Variants in NEBL observed in about 807,000 individuals in gnomAD.
NEBL encodes the protein LIM and SH3 protein 2.
NEBL carries 122 observed loss-of-function variants against 140.2 expected under a neutral mutation model. That is an observed-to-expected ratio of 0.87 (90% confidence interval 0.75 to 1.01). The LOEUF is 1.01. Among genes scored for constraint, NEBL ranks in the 50% least tolerant of loss-of-function variants. The pLI is 0.00. For synonymous variants in NEBL, 436 were observed against 398.9 expected, an observed-to-expected ratio of 1.09 and a Z score of -1.11; for missense variants, 1,365 against 1,231.3, an observed-to-expected ratio of 1.11 and a Z score of -1.62.
intron 2 of NEBL, among the ~76,000 whole-genome samples, chr10:21,116,761 C>T (rs1390652160): frequency 6.6e-6 from 1 of 152,086 alleles, no homozygotes; most frequent in Non-Finnish European, 1.5e-5. Context: ...CCTCAAACTC[C>T]TGGATTTAAG....
At chr10:20,915,771 A>G (rs1340169515) in intron 4 of NEBL, among the ~76,000 whole-genome samples, 1 of 152,146 alleles carries the variant, frequency 6.6e-6, no homozygotes, top group Non-Finnish European at 1.5e-5. Context: ...GTATATACCC[A>G]GTAATGGGAT....
chr10:21,108,622 G>C (rs1175797119), intron 2 of NEBL, among the ~76,000 whole-genome samples: 1 of 152,100 alleles, frequency 6.6e-6, no homozygotes, highest in Non-Finnish European at 1.5e-5. Flanking sequence ...GTGGTGCTAA[G>C]AAGAATGTAT....
chr10:21,144,774 G>T (rs977948969), intron 2 of NEBL, among the ~76,000 whole-genome samples: 16 of 151,948 alleles, frequency 1.1e-4, no homozygotes, highest in African/African-American at 3.6e-4. Context: ...GAAGAGCCAG[G>T]TTCCAACCCA....
intron 26 of NEBL, among the ~76,000 whole-genome samples, chr10:20,796,046 T>C (rs1451480907): frequency 6.6e-6 from 1 of 152,178 alleles, no homozygotes; most frequent in Non-Finnish European, 1.5e-5. Flanking sequence ...ACTTCATTGA[T>C]ATATTTGACT....
intron 3 of NEBL, among the ~76,000 whole-genome samples, chr10:20,982,108 G>A (rs1019580140): frequency 4.6e-5 from 7 of 152,122 alleles, no homozygotes; most frequent in Admixed American, 2.6e-4. Context: ...TGTGATCAAC[G>A]TTCAATTACC....
intron 4 of NEBL, among the ~76,000 whole-genome samples, chr10:20,884,962 G>A (rs1846365179): frequency 6.6e-6 from 1 of 152,116 alleles, no homozygotes. Context: ...CTCTTTTTCT[G>A]GCATTTCTTC....
chr10:21,219,485 C>G (rs1842038813), intron 3 of NEBL, among the ~76,000 whole-genome samples: 1 of 152,154 alleles, frequency 6.6e-6, no homozygotes, highest in South Asian at 2.1e-4. Context: ...TATTTTTACT[C>G]CAGTAGCATG....
chr10:20,840,418 C>A (rs1841304077), intron 13 of NEBL, among the ~76,000 whole-genome samples: 1 of 152,092 alleles, frequency 6.6e-6, no homozygotes, highest in Non-Finnish European at 1.5e-5. Flanking sequence ...TTTCTACCTG[C>A]AGTTACTGAT....
At chr10:20,920,613 GAAAT>G (rs1408128031) in intron 4 of NEBL, among the ~76,000 whole-genome samples, 2 of 151,582 alleles carry the variant, frequency 1.3e-5, no homozygotes, top group African/African-American at 4.9e-5. Flanking sequence ...GTATTCAAAA[GAAAT>G]AAAGACAAAC....
chr10:20,901,758 G>C (rs555498790), upstream of NEBL, among the ~76,000 whole-genome samples: 7 of 152,108 alleles, frequency 4.6e-5, no homozygotes, highest in South Asian at 1.5e-3. Context: ...TTTTTGTTTT[G>C]ATGACCGTCT....
At chr10:21,255,425 T>G (rs890342363) in intron 1 of NEBL, among the ~76,000 whole-genome samples, 4 of 152,064 alleles carry the variant, frequency 2.6e-5, no homozygotes, top group African/African-American at 9.7e-5. Flanking sequence ...TAAAAATCAT[T>G]TGACAAAGTA....
intron 26 of NEBL, among the ~76,000 whole-genome samples, chr10:20,794,162 G>A (rs187095205): frequency 6.6e-6 from 1 of 152,334 alleles, no homozygotes; most frequent in Admixed American, 6.5e-5. Context: ...GAGGCGAGGG[G>A]AAGCGGACCC....
chr10:21,203,812 A>G (rs963819516), intron 3 of NEBL, among the ~76,000 whole-genome samples: 3 of 152,066 alleles, frequency 2.0e-5, no homozygotes, highest in Non-Finnish European at 1.5e-5. Context: ...TGAACTCGGG[A>G]TGACTGTGCC....
chr10:20,954,419 G>A (rs1018877813), intron 4 of NEBL, among the ~76,000 whole-genome samples: 1 of 152,232 alleles, frequency 6.6e-6, no homozygotes, highest in African/African-American at 2.4e-5. Flanking sequence ...TTCAGTCTGA[G>A]GGTAGGAAAA....
intron 1 of NEBL, among the ~76,000 whole-genome samples, chr10:21,257,242 T>C (rs1842669949): frequency 6.6e-6 from 1 of 152,224 alleles, no homozygotes; most frequent in South Asian, 2.1e-4. Flanking sequence ...GTTTTCAGTA[T>C]TTCTATGAGG....
At chr10:21,281,917 T>C (rs184684924) in intron 1 of NEBL, among the ~76,000 whole-genome samples, 280 of 152,352 alleles carry the variant, frequency 1.8e-3, no homozygotes, top group African/African-American at 6.2e-3. Context: ...TAACTTTTCC[T>C]TTTGAAAAAT....
chr10:21,167,949 G>A (rs1469928633), intron 2 of NEBL, among the ~76,000 whole-genome samples: 3 of 152,024 alleles, frequency 2.0e-5, no homozygotes, highest in African/African-American at 7.2e-5. Flanking sequence ...ACGCACTCAA[G>A]TACACCAGTT....
rs16921232 is a variant in NEBL at position 20,897,191 on chromosome 10, T to C, written c.15A>G (p.Val5=). 1 of 1,599,704 alleles carries C rather than the reference T, an allele frequency of 6.3e-7. No homozygotes were observed. Among genetic ancestry groups the C allele is most frequent in the Non-Finnish European group, 8.5e-7 (1 of 1,170,174 alleles). The part of the protein sequence containing the change: MRVP[V]FEDIKDETEE... ...CAGTTTCATCTTTTATATCCTCAAA[T>C]ACAGGGACCCTCATTTTTACCCTTT... Residue 5 remains valine (V), a synonymous_variant, in exon 1 of 28, where the codon GTA becomes GTG. Coordinates refer to ENST00000377122, the MANE Select transcript of NEBL (RefSeq NM_006393.3).
intron 2 of NEBL, among the ~76,000 whole-genome samples, chr10:21,035,289 T>A (rs1401461020): frequency 1.3e-5 from 2 of 151,880 alleles, no homozygotes; most frequent in Non-Finnish European, 2.9e-5. Flanking sequence ...TAAGCCACCA[T>A]GCCCAGCCCC....
Sources: gnomAD v4.1 joint callset for allele counts (sites outside exome capture counted in the v4.1 genomes callset) on GRCh38, gnomAD v4.1.1 for gene constraint, MANE v1.5 for transcripts, NCBI Gene and HGNC (gene_info 2026-07-23, HGNC 2026-07-21) for gene names.